The following CFDP1 variants were observed in gnomAD, a reference collection of about 807,000 sequenced individuals.
CFDP1 encodes the protein heterochromatin-stabilizing protein CFDP1.
In CFDP1, 31 loss-of-function variants were observed where a neutral mutation model predicts 40.1. The observed-to-expected ratio is 0.77, with a 90% CI of 0.58 to 1.04. The LOEUF is 1.04. Ranked by LOEUF, CFDP1 falls within the 50% of genes least tolerant of loss-of-function variation. The pLI is 0.00. For missense variants in CFDP1, 423 were observed against 343.4 expected, an observed-to-expected ratio of 1.23 and a Z score of -1.83; for synonymous variants, 167 against 120.0, an observed-to-expected ratio of 1.39 and a Z score of -2.56.
At chr16:75,401,568 C>T (rs1005677572) in intron 4 of CFDP1, among the ~76,000 whole-genome samples, 1 of 152,030 alleles carries the variant, frequency 6.6e-6, no homozygotes, top group Non-Finnish European at 1.5e-5. Flanking sequence ...CCACTACACT[C>T]CAGTCTGGGC....
chr16:75,421,499 A>G (rs146262457), intron 1 of CFDP1, among the ~76,000 whole-genome samples: 1 of 152,218 alleles, frequency 6.6e-6, no homozygotes, highest in Non-Finnish European at 1.5e-5. Context: ...CCCTGTAGAC[A>G]ATGTAGGCAC....
chr16:75,383,216 TCAGAC>T (rs1003400788), intron 5 of CFDP1, among the ~76,000 whole-genome samples: 2 of 152,204 alleles, frequency 1.3e-5, no homozygotes, highest in Non-Finnish European at 2.9e-5. Context: ...GTGCTGGACT[TCAGAC>T]CAGCCTGATT....
rs767935736 is a variant in CFDP1 at position 75,433,269 on chromosome 16, C to G, written c.64+20G>C. 1 of 1,588,184 alleles carries G rather than the reference C, an allele frequency of 6.3e-7. No individual in the cohort carries two copies. The highest frequency in any genetic ancestry group is 1.3e-5 in the African/African-American group (1 of 74,316). On this transcript the variant is annotated intron_variant, in intron 1 of 6. Coordinates refer to ENST00000283882, the MANE Select transcript of CFDP1 (RefSeq NM_006324.3). ...GTGGGGCGGGGCAATTCGCTTCTCG[C>G]CTCAGGCGGAATCGCTCACCCGACG...
At chr16:75,361,111 G>C (rs1350435460) in intron 5 of CFDP1, among the ~76,000 whole-genome samples, 1 of 152,112 alleles carries the variant, frequency 6.6e-6, no homozygotes, top group African/African-American at 2.4e-5. Context: ...CTGGGTTCAA[G>C]TGATTCTCCT....
At chr16:75,371,968 GC>G (rs2078755169) in intron 5 of CFDP1, among the ~76,000 whole-genome samples, 1 of 152,120 alleles carries the variant, frequency 6.6e-6, no homozygotes. Flanking sequence ...GTCCTTCTGT[GC>G]CAGGAACTGT....
chr16:75,381,904 T>G (rs2078855657), intron 5 of CFDP1, among the ~76,000 whole-genome samples: 2 of 152,118 alleles, frequency 1.3e-5, no homozygotes, highest in African/African-American at 4.8e-5. Context: ...ACAAGAGGCC[T>G]ATGAATCTTG....
intron 2 of CFDP1, among the ~76,000 whole-genome samples, chr16:75,413,146 G>A (rs761073702): frequency 1.3e-5 from 2 of 152,112 alleles, no homozygotes; most frequent in Admixed American, 1.3e-4. Context: ...TACTCCATTT[G>A]TAGAACAAGT....
At chr16:75,352,776 C>T (rs559243570) in intron 5 of CFDP1, among the ~76,000 whole-genome samples, 14 of 152,194 alleles carry the variant, frequency 9.2e-5, no homozygotes, top group African/African-American at 2.9e-4. Context: ...AGATATTCAA[C>T]ACTTTATTAT....
At position 75,412,670 on chromosome 16, in the gene CFDP1, C is replaced by T. The variant is rs1338198178; in HGVS notation, c.267G>A (p.Glu89=). 1.9e-6 allele frequency: 3 copies of T among 1,614,142 alleles called. 1 individual carries two copies. The highest frequency in any genetic ancestry group is 3.3e-4 in the Middle Eastern group (2 of 6,062). ...TTTCCTGCTCTGCAGCGTCATCTTCCTCCTCACTACTGCTTCCCTCAGATT... is the reference window on the plus strand; with the variant it reads ...TTTCCTGCTCTGCAGCGTCATCTTCTTCCTCACTACTGCTTCCCTCAGATT... ...NSESEGSSSE[E]EDDAAEQEKG... The change falls in exon 3 of 7, where the codon GAG becomes GAA. Residue 89 remains glutamate, a synonymous_variant. Coordinates refer to ENST00000283882, the MANE Select transcript of CFDP1 (RefSeq NM_006324.3).
At chr16:75,405,246 A>G (rs928224051) in intron 4 of CFDP1, among the ~76,000 whole-genome samples, 2 of 152,238 alleles carry the variant, frequency 1.3e-5, no homozygotes, top group African/African-American at 4.8e-5. Flanking sequence ...TTGTCAACTA[A>G]AGCCCAAAAA....
intron 5 of CFDP1, among the ~76,000 whole-genome samples, chr16:75,358,787 A>G (rs996853146): frequency 1.3e-5 from 2 of 152,240 alleles, no homozygotes; most frequent in Non-Finnish European, 2.9e-5. Context: ...TCTGAGCTTT[A>G]GAATTTTGGA....
Position 75,395,081 on chromosome 16 carries a change from A to G in CFDP1, c.650+9T>C. On this transcript the variant is annotated intron_variant, in intron 5 of 6. Transcript: ENST00000283882. ...CAAGTACATCAGGGAGTGAGACTCA[A>G]ATACTCACCCTGACCCGGCAGGGAG... 4 of 1,613,566 alleles carry G rather than the reference A, an allele frequency of 2.5e-6. No individual in the cohort carries two copies. The highest frequency in any genetic ancestry group is 2.5e-6 in the Non-Finnish European group (3 of 1,179,686).
intron 5 of CFDP1, among the ~76,000 whole-genome samples, chr16:75,342,140 G>A (rs952297139): frequency 2.0e-5 from 3 of 152,148 alleles, no homozygotes; most frequent in African/African-American, 7.2e-5. Flanking sequence ...TCACTGTCAG[G>A]ATTGATTTGT....
intron 5 of CFDP1, among the ~76,000 whole-genome samples, chr16:75,372,899 C>T (rs1361779121): frequency 6.6e-6 from 1 of 152,050 alleles, no homozygotes; most frequent in East Asian, 1.9e-4. Context: ...TATTTTAGTT[C>T]CAAAATTCTA....
chr16:75,341,458 G>T lies in CFDP1; in HGVS notation c.651-36276C>A, dbSNP rs149494952. On this transcript the variant is annotated intron_variant, in intron 5 of 6. Transcript: ENST00000283882. ...CCTTGGAGGAAGGAAATTATGAAGAGATTATCTTGAGGCTGTCAAGAGAAG... is the reference window on the plus strand; with the variant it reads ...CCTTGGAGGAAGGAAATTATGAAGATATTATCTTGAGGCTGTCAAGAGAAG... Among the ~76,000 whole-genome samples, 923 of 152,260 alleles carry T rather than the reference G, an allele frequency of 6.1e-3. 5 individuals carry two copies. Among genetic ancestry groups the T allele is most frequent in the African/African-American group, 0.021 (891 of 41,540 alleles).
intron 5 of CFDP1, among the ~76,000 whole-genome samples, chr16:75,384,842 G>A (rs982560914): frequency 2.4e-4 from 18 of 75,334 alleles, no homozygotes; most frequent in Admixed American, 2.3e-3. Context: ...GTTGCAAGAA[G>A]AAACTAAAAC....
intron 6 of CFDP1, among the ~76,000 whole-genome samples, chr16:75,295,114 A>G (rs924405727): frequency 6.6e-6 from 1 of 151,990 alleles, no homozygotes; most frequent in Admixed American, 6.5e-5. Flanking sequence ...ATCTGTCATT[A>G]CAAAGTCATT....
At chr16:75,363,972 C>CAG (rs1555559075) in intron 5 of CFDP1, among the ~76,000 whole-genome samples, 5 of 151,618 alleles carry the variant, frequency 3.3e-5, no homozygotes, top group Non-Finnish European at 7.4e-5. Context: ...CACACACACA[C>CAG]AGCCATGCAA....
At chr16:75,348,406 C>T (rs1597346609) in intron 5 of CFDP1, among the ~76,000 whole-genome samples, 1 of 152,106 alleles carries the variant, frequency 6.6e-6, no homozygotes, top group Admixed American at 6.5e-5. Context: ...TACAACACTT[C>T]TGTAAATCTA....
Sources: allele counts gnomAD v4.1 joint callset (sites outside exome capture counted in the v4.1 genomes callset), GRCh38; gene constraint gnomAD v4.1.1; transcripts MANE v1.5; gene names NCBI Gene and HGNC (gene_info 2026-07-23, HGNC 2026-07-21).